The following PTPRD variants were observed in gnomAD, a reference collection of about 807,000 sequenced individuals.
The protein encoded by PTPRD is receptor-type tyrosine-protein phosphatase delta.
Under a neutral mutation model 214.5 loss-of-function variants are expected in PTPRD, and 34 were observed. The ratio of observed to expected loss-of-function variants is 0.16; its 90% CI spans 0.12 to 0.21. The LOEUF (loss-of-function observed/expected upper bound fraction) is 0.21. Ranked by LOEUF, PTPRD falls within the 10% of genes least tolerant of loss-of-function variation. The pLI, the probability that PTPRD is intolerant of heterozygous loss-of-function variation, is 1.00. For synonymous variants in PTPRD, 1,128 were observed against 845.7 expected (o/e 1.33, Z -5.79); for missense variants, 2,545 against 2,398.7 (o/e 1.06, Z -1.27).
intron 9 of PTPRD, among the ~76,000 whole-genome samples, chr9:9,319,432 T>A (rs185489955): frequency 6.6e-6 from 1 of 152,050 alleles, no homozygotes; most frequent in Non-Finnish European, 1.5e-5. Flanking sequence ...AAGATAAAAA[T>A]AAAAGATGAA....
At chr9:9,313,807 G>C (rs918902513) in intron 9 of PTPRD, among the ~76,000 whole-genome samples, 1 of 152,106 alleles carries the variant, frequency 6.6e-6, no homozygotes, top group African/African-American at 2.4e-5. Context: ...TGGTGCTTAT[G>C]GCACTTTAGG....
intron 10 of PTPRD, among the ~76,000 whole-genome samples, chr9:9,148,639 T>C (rs1435504415): frequency 6.6e-6 from 1 of 152,078 alleles, no homozygotes; most frequent in African/African-American, 2.4e-5. Context: ...TAAAAACTAA[T>C]CATTTAAAAA....
At chr9:10,194,345 T>TATATATATAG (rs2099388529) in intron 3 of PTPRD, among the ~76,000 whole-genome samples, 1 of 39,848 alleles carries the variant, frequency 2.5e-5, no homozygotes, top group African/African-American at 7.7e-5. Context: ...TATATATATA[T>TATATATATAG]AGAGAGAGAG....
In PTPRD at chr9:8,316,418, G is replaced by C. The variant is rs1196340343; in HGVS notation, c.*1456C>G. On this transcript the variant is annotated 3_prime_UTR_variant, in exon 46 of 46. Transcript: ENST00000381196. ...CCAGGAATGCTGTATGCCACAAAAT[G>C]TTTCTGACTGAACAGAGTAACATGA... 2 of 230,926 alleles carry C rather than the reference G, an allele frequency of 8.7e-6. No homozygotes were observed. The highest frequency in any genetic ancestry group is 1.7e-5 in the Non-Finnish European group (2 of 116,480). The allele number at this position is 230,926 out of a possible 1,614,324, so 14.3% of individuals were successfully genotyped here. A position where few individuals can be genotyped will look rare whatever the true frequency, so the allele number is the denominator to read the frequency against.
chr9:10,421,032 T>C (rs753333188), intron 2 of PTPRD, among the ~76,000 whole-genome samples: 1 of 151,776 alleles, frequency 6.6e-6, no homozygotes, highest in Non-Finnish European at 1.5e-5. Context: ...TCTTGGGCCA[T>C]ACATAAAATA....
At chr9:9,206,087 G>C (rs1321318792) in intron 9 of PTPRD, among the ~76,000 whole-genome samples, 2 of 152,152 alleles carry the variant, frequency 1.3e-5, no homozygotes, top group African/African-American at 4.8e-5. Flanking sequence ...GAGTATTCTA[G>C]ATAGCTTTTA....
At chr9:9,450,441 T>G (rs193259745) in intron 8 of PTPRD, among the ~76,000 whole-genome samples, 1 of 152,062 alleles carries the variant, frequency 6.6e-6, no homozygotes, top group South Asian at 2.1e-4. Flanking sequence ...ATTTTTTGAC[T>G]TTTTAATTAA....
chr9:8,873,265 C>T (rs1342352898), intron 11 of PTPRD, among the ~76,000 whole-genome samples: 1 of 152,174 alleles, frequency 6.6e-6, no homozygotes, highest in African/African-American at 2.4e-5. Flanking sequence ...TTCTTGACCC[C>T]TTGGCATGAA....
intron 12 of PTPRD, among the ~76,000 whole-genome samples, chr9:8,659,152 T>C (rs1391459989): frequency 6.6e-6 from 1 of 152,182 alleles, no homozygotes; most frequent in Non-Finnish European, 1.5e-5. Flanking sequence ...GAGAGGGGCA[T>C]GATAATTATG....
chr9:8,542,040 C>G (rs1356115007), intron 14 of PTPRD, among the ~76,000 whole-genome samples: 2 of 152,058 alleles, frequency 1.3e-5, no homozygotes, highest in Non-Finnish European at 2.9e-5. Flanking sequence ...CAAGCATCCA[C>G]ATAAATTCTA....
At chr9:9,670,273 A>T (rs1010597557) in intron 7 of PTPRD, among the ~76,000 whole-genome samples, 3 of 151,868 alleles carry the variant, frequency 2.0e-5, no homozygotes, top group African/African-American at 7.2e-5. Context: ...CTTGAGAGAG[A>T]TGATTTATGG....
At chr9:9,585,165 C>T (rs1009607942) in intron 7 of PTPRD, among the ~76,000 whole-genome samples, 38 of 151,872 alleles carry the variant, frequency 2.5e-4, no homozygotes, top group African/African-American at 8.9e-4. Context: ...CCTTTATTTT[C>T]TCTTCTTCCC....
intron 12 of PTPRD, among the ~76,000 whole-genome samples, chr9:8,685,407 G>C (rs905485473): frequency 5.9e-5 from 9 of 152,106 alleles, no homozygotes; most frequent in Admixed American, 5.9e-4. Context: ...CAACAGACGA[G>C]AGCTTAAAAT....
At chr9:10,211,519 C>G (rs889609990) in intron 3 of PTPRD, among the ~76,000 whole-genome samples, 2 of 152,170 alleles carry the variant, frequency 1.3e-5, no homozygotes, top group Non-Finnish European at 2.9e-5. Flanking sequence ...AATAAATGTA[C>G]TGAATGGTAA....
chr9:8,802,076 G>A lies in PTPRD; in HGVS notation c.-103-68130C>T, dbSNP rs536943809. Among the ~76,000 whole-genome samples, 7 of 152,242 alleles carry A rather than the reference G, an allele frequency of 4.6e-5. No homozygotes were observed. In the South Asian group the frequency reaches 1.5e-3, roughly 32 times the overall value. ...ATCACCACATAACTGGAGTCAGACT[G>A]TATAATGATTAAATTGCTCTCTTAA... is the stretch of plus-strand genomic sequence containing the variant. On this transcript the variant is annotated intron_variant, in intron 11 of 45. Coordinates refer to ENST00000381196, the MANE Select transcript of PTPRD (RefSeq NM_002839.4).
chr9:9,041,283 G>C (rs924646180), intron 10 of PTPRD, among the ~76,000 whole-genome samples: 4 of 152,006 alleles, frequency 2.6e-5, no homozygotes, highest in African/African-American at 9.7e-5. Flanking sequence ...GTGTCATGGG[G>C]GTTTACTGTA....
rs544824410 is a variant in PTPRD, at chr9:8,631,625, G to C, written c.352+1692C>G. Among the ~76,000 whole-genome samples, 5 of 151,866 alleles carry C rather than the reference G, an allele frequency of 3.3e-5. No homozygotes were observed. The South Asian group carries it at 6.2e-4, about 19-fold the overall frequency. The stretch of plus-strand genomic sequence containing the variant: ...GTATTGCACAGTAGGAATAGTGCTG[G>C]AAATCTCACTTGTATGCAGAAAGCT... On this transcript the variant is annotated intron_variant, in intron 14 of 45. Transcript: ENST00000381196.
At chr9:9,829,103 T>A (rs187716499) in intron 5 of PTPRD, among the ~76,000 whole-genome samples, 205 of 152,032 alleles carry the variant, frequency 1.3e-3, no homozygotes, top group African/African-American at 4.9e-3. Flanking sequence ...TACATTTATC[T>A]ATGACTTTGC....
At chr9:10,498,360 G>A (rs573298002) in intron 2 of PTPRD, among the ~76,000 whole-genome samples, 27 of 152,046 alleles carry the variant, frequency 1.8e-4, no homozygotes, top group African/African-American at 6.0e-4. Flanking sequence ...TAAGCAATAT[G>A]AAACACAGTA....
Sources: allele counts gnomAD v4.1 joint callset (sites outside exome capture counted in the v4.1 genomes callset), GRCh38; gene constraint gnomAD v4.1.1; transcripts MANE v1.5; gene names NCBI Gene and HGNC (gene_info 2026-07-23, HGNC 2026-07-21).